ACAD10: variants seen among roughly 807,000 people sequenced by gnomAD.
The protein encoded by ACAD10 is acyl-CoA dehydrogenase family member 10, also known as ACAD-10.
Under a neutral mutation model 116.8 loss-of-function variants are expected in ACAD10, and 112 were observed. The ratio of observed to expected loss-of-function variants is 0.96; its 90% CI spans 0.82 to 1.12. The LOEUF (loss-of-function observed/expected upper bound fraction) is 1.12. Ranked by LOEUF, ACAD10 falls within the 50% of genes most tolerant of loss-of-function variation. The pLI is 0.00. For missense variants in ACAD10, 1,259 were observed against 1,350.2 expected (o/e 0.93, Z 1.06); for synonymous variants, 486 against 510.6 (o/e 0.95, Z 0.65).
chr12:111,689,303 A>G (rs957172374), intron 1 of ACAD10, among the ~76,000 whole-genome samples: 7 of 152,036 alleles, frequency 4.6e-5, no homozygotes, highest in African/African-American at 1.4e-4. Flanking sequence ...TACTGTGTAA[A>G]TAAATAGTTG....
chr12:111,745,263 C>T, intron 13 of ACAD10: 1 of 573,488 alleles, frequency 1.7e-6, no homozygotes, highest in Non-Finnish European at 3.0e-6. Flanking sequence ...TCAGGTGTGA[C>T]TGCACAGCCC....
intron 2 of ACAD10, among the ~76,000 whole-genome samples, chr12:111,699,844 T>C (rs776941200): frequency 2.0e-5 from 3 of 152,178 alleles, no homozygotes; most frequent in Non-Finnish European, 4.4e-5. Flanking sequence ...CACTTGATCC[T>C]GGGAGCTTGA....
At chr12:111,700,855 C>G (rs978438718) in intron 2 of ACAD10, among the ~76,000 whole-genome samples, 5 of 148,888 alleles carry the variant, frequency 3.4e-5, no homozygotes, top group African/African-American at 1.2e-4. Context: ...AACTCCTGGG[C>G]TTAAGCGATC....
At chr12:111,721,447 A>G (rs1185185515) in intron 7 of ACAD10, among the ~76,000 whole-genome samples, 1 of 152,178 alleles carries the variant, frequency 6.6e-6, no homozygotes, top group Non-Finnish European at 1.5e-5. Flanking sequence ...GCACATCTGT[A>G]ATCCCAGCTA....
chr12:111,728,136 G>C lies in ACAD10; in HGVS notation c.1236G>C (p.Gly412=). 1 of 1,601,482 alleles carries C rather than the reference G, an allele frequency of 6.2e-7. No homozygotes were observed. The highest frequency in any genetic ancestry group is 1.1e-5 in the South Asian group (1 of 89,152). ...DLQAVGLEDY[G]KQGDYIPRQV... Reference sequence around the variant, plus strand: ...AGGCTGTGGGACTTGAAGACTATGGGAAGCAAGGTGAGCAGGAGGCCACGT... The same window carrying C: ...AGGCTGTGGGACTTGAAGACTATGGCAAGCAAGGTGAGCAGGAGGCCACGT... Residue 412 remains glycine (G), a synonymous_variant, in exon 9 of 21, where the codon GGG becomes GGC. Transcript: ENST00000313698.
At chr12:111,705,678 G>A in intron 3 of ACAD10, 60 bp from the exon 4 acceptor site, 1 of 1,470,182 alleles carries the variant, frequency 6.8e-7, no homozygotes, top group Non-Finnish European at 9.3e-7. Context: ...TTTTCTGTTG[G>A]CCATGAGTGT....
chr12:111,706,780 A>ATTT lies in ACAD10; in HGVS notation c.531+849_531+850insTTT, dbSNP rs1428071019. 2.7e-3 allele frequency among the ~76,000 whole-genome samples: 328 copies of ATTT among 122,080 alleles called. 7 individuals are homozygous for ATTT. In the East Asian group the frequency reaches 0.081, roughly 30 times the overall value. The allele number at this position is 122,080 out of a possible 152,430, so 80.1% of individuals were successfully genotyped here. On this transcript the variant is annotated intron_variant, in intron 4 of 20. Transcript: ENST00000313698. ...TATTTTTTTATATATATATATATAT[A>ATTT]TATTTTTTTTTTTGAGACCATCTCA...
intron 12 of ACAD10, among the ~76,000 whole-genome samples, chr12:111,739,595 A>G (rs1420361031): frequency 6.6e-6 from 1 of 152,044 alleles, no homozygotes; most frequent in Non-Finnish European, 1.5e-5. Context: ...TGTCTCTACT[A>G]AAAAATATAA....
At chr12:111,739,733 G>C (rs774863939) in intron 12 of ACAD10, among the ~76,000 whole-genome samples, 1 of 152,070 alleles carries the variant, frequency 6.6e-6, no homozygotes, top group African/African-American at 2.4e-5. Context: ...AGTCTAGCCT[G>C]GGCAACAAAG....
At chr12:111,703,127 A>G (rs1888398553) in intron 3 of ACAD10, among the ~76,000 whole-genome samples, 1 of 151,836 alleles carries the variant, frequency 6.6e-6, no homozygotes. Flanking sequence ...CCTCCAGCAT[A>G]TATTTTTTTA....
In ACAD10 at chr12:111,712,646, T is replaced by C; in HGVS notation, c.839T>C (p.Ile280Thr). Residue 280 changes from isoleucine to threonine, a missense_variant, in exon 6 of 21, where the codon ATC (isoleucine) becomes ACC (threonine). By Grantham distance (89) the Ile-to-Thr change is moderately conservative. Transcript: ENST00000313698. ...LQKYLKDLLG[I>T]QTTGPLELLQ... is the part of the protein sequence containing the mutation. Reference sequence around the variant, plus strand: ...AAGTACCTCAAAGACTTACTGGGTATCCAGACCACAGGTATGTGGGCTTCT... The same window carrying C: ...AAGTACCTCAAAGACTTACTGGGTACCCAGACCACAGGTATGTGGGCTTCT... 6.2e-7 allele frequency: 1 copy of C among 1,614,070 alleles called. No homozygotes were observed. The highest frequency in any genetic ancestry group is 8.5e-7 in the Non-Finnish European group (1 of 1,179,996).
intron 11 of ACAD10, among the ~76,000 whole-genome samples, chr12:111,734,514 C>T (rs1889492490): frequency 6.6e-6 from 1 of 152,122 alleles, no homozygotes; most frequent in African/African-American, 2.4e-5. Context: ...ACCCCAGCTA[C>T]TCGGGAGGCT....
intron 18 of ACAD10, 117 bp from the exon 19 acceptor site, chr12:111,753,655 C>A: frequency 7.2e-7 from 1 of 1,383,684 alleles, no homozygotes; most frequent in Non-Finnish European, 1.0e-6. Flanking sequence ...TGGTTTCACT[C>A]TCCTCCCCTG....
intron 18 of ACAD10, 55 bp from the exon 19 acceptor site, chr12:111,753,717 T>C (rs772836737): frequency 1.4e-4 from 230 of 1,612,946 alleles, no homozygotes; most frequent in Non-Finnish European, 1.8e-4. Context: ...CCCCCGCCTC[T>C]CGTGGCCACC....
intron 12 of ACAD10, among the ~76,000 whole-genome samples, chr12:111,744,358 GC>G (rs1276353991): frequency 1.3e-5 from 2 of 152,208 alleles, no homozygotes; most frequent in Admixed American, 1.3e-4. Context: ...AGAGCAGGGA[GC>G]AGGCAGACCT....
chr12:111,698,297 C>CTT (rs1253211670), intron 2 of ACAD10, among the ~76,000 whole-genome samples: 8 of 119,800 alleles, frequency 6.7e-5, no homozygotes, highest in Non-Finnish European at 1.1e-4. Flanking sequence ...TGCATCTGGC[C>CTT]TTTTTTTTTT....
chr12:111,756,455 G>C lies in ACAD10; in HGVS notation c.3162G>C (p.Glu1054Asp), dbSNP rs779888758. 1 of 1,612,548 alleles carries C rather than the reference G, an allele frequency of 6.2e-7. No homozygotes were observed. The highest frequency in any genetic ancestry group is 8.5e-7 in the Non-Finnish European group (1 of 1,179,850). ...EVHRATVAKL[E>D]LKHRI ...ACCGGGCCACGGTGGCCAAGCTAGA[G>C]CTGAAGCACCGCATTTAGAGCCTTG... is the stretch of plus-strand genomic sequence containing the variant. The change falls in exon 21 of 21, where the codon GAG becomes GAC. Residue 1054 changes from glutamate (E) to aspartate (D), a missense_variant. Transcript: ENST00000313698.
chr12:111,733,484 A>G (rs576612888), intron 10 of ACAD10, among the ~76,000 whole-genome samples: 2 of 152,198 alleles, frequency 1.3e-5, no homozygotes, highest in South Asian at 4.1e-4. Context: ...GACCTAGTCT[A>G]GTTTCAGGAA....
intron 19 of ACAD10, among the ~76,000 whole-genome samples, chr12:111,754,834 G>A (rs1890164489): frequency 6.6e-6 from 1 of 152,238 alleles, no homozygotes; most frequent in Non-Finnish European, 1.5e-5. Context: ...TCCCTTCAGT[G>A]TGTGCTGGCT....
Sources: gnomAD v4.1 joint callset for allele counts (sites outside exome capture counted in the v4.1 genomes callset) on GRCh38, gnomAD v4.1.1 for gene constraint, MANE v1.5 for transcripts, NCBI Gene and HGNC (gene_info 2026-07-23, HGNC 2026-07-21) for gene names.